FAM13A: variants seen among roughly 807,000 people sequenced by gnomAD.
The protein encoded by FAM13A is protein FAM13A.
A neutral mutation model predicts 129.6 loss-of-function variants in FAM13A; 76 were observed. That is an observed-to-expected ratio of 0.59 (90% confidence interval 0.49 to 0.71). The LOEUF (loss-of-function observed/expected upper bound fraction) is 0.71. Among genes scored for constraint, FAM13A ranks in the 30% least tolerant of loss-of-function variants. FAM13A has a pLI of 0.00. For missense variants in FAM13A, 1,108 were observed against 1,249.3 expected (o/e 0.89, Z 1.70); for synonymous variants, 443 against 449.9 (o/e 0.98, Z 0.20).
intron 13 of FAM13A, among the ~76,000 whole-genome samples, chr4:88,766,915 T>C (rs1234161818): frequency 6.6e-6 from 1 of 152,194 alleles, no homozygotes; most frequent in East Asian, 1.9e-4. Flanking sequence ...GCAGATTGCA[T>C]ACACATACAT....
chr4:88,978,621 C>T (rs1305758502), intron 4 of FAM13A, among the ~76,000 whole-genome samples: 3 of 152,120 alleles, frequency 2.0e-5, no homozygotes, highest in Non-Finnish European at 2.9e-5. Context: ...GGTGAAACCC[C>T]GTCTTTACTA....
At chr4:88,956,973 A>G (rs1186792838) in intron 4 of FAM13A, among the ~76,000 whole-genome samples, 2 of 152,194 alleles carry the variant, frequency 1.3e-5, no homozygotes, top group Non-Finnish European at 2.9e-5. Flanking sequence ...GAATGGCTTG[A>G]GCTATCCCCA....
intron 7 of FAM13A, among the ~76,000 whole-genome samples, chr4:88,836,084 C>T (rs1734757526): frequency 6.6e-6 from 1 of 152,072 alleles, no homozygotes; most frequent in South Asian, 2.1e-4. Context: ...TAAAGTTAAA[C>T]ACAATCCCAT....
At chr4:89,041,233 A>C (rs1264996090) in intron 1 of FAM13A, among the ~76,000 whole-genome samples, 1 of 152,232 alleles carries the variant, frequency 6.6e-6, no homozygotes, top group Non-Finnish European at 1.5e-5. Flanking sequence ...AGAAGAAAGG[A>C]CTTGAAATGT....
intron 4 of FAM13A, among the ~76,000 whole-genome samples, chr4:88,989,198 A>C (rs1762633791): frequency 8.2e-6 from 1 of 122,038 alleles, no homozygotes; most frequent in African/African-American, 3.3e-5. Flanking sequence ...ACAGAGCCAG[A>C]CTCTGTCTCA....
At position 88,758,859 on chromosome 4, in the gene FAM13A, T is replaced by C. The variant is rs764072187; in HGVS notation, c.1621A>G (p.Thr541Ala). ...GCATCTTGATTTCTCTGCTGTTTGG[T>C]GTCAGATAGGCTGGGATGCTCCTGG... ...KIQEHPSLSD[T>A]KQQRNQDAGD... Residue 541 changes from threonine to alanine, a missense_variant, in exon 14 of 24, where the codon ACC becomes GCC. Transcript: ENST00000264344. 1.2e-6 allele frequency: 2 copies of C among 1,613,926 alleles called. No individual in the cohort carries two copies. The highest frequency in any genetic ancestry group is 1.3e-5 in the African/African-American group (1 of 74,916).
At chr4:88,871,317 C>A (rs754233421) in intron 6 of FAM13A, among the ~76,000 whole-genome samples, 3 of 152,174 alleles carry the variant, frequency 2.0e-5, no homozygotes, top group Non-Finnish European at 4.4e-5. Flanking sequence ...CAGAAGTAGG[C>A]TTCAGAAGGT....
rs1350803481 is a variant in FAM13A at position 88,838,637 on chromosome 4, G to C, written c.1007+12383C>G. On this transcript the variant is annotated intron_variant, in intron 7 of 23. Coordinates refer to ENST00000264344, the MANE Select transcript of FAM13A (RefSeq NM_014883.4). The stretch of plus-strand genomic sequence containing the variant: ...AGCTACTCGGGAGGCTGAGGCAGGA[G>C]AATGGCGTGAACCCGGGAGGCGGAG... Among the ~76,000 whole-genome samples, 5 of 151,916 alleles carry C rather than the reference G, an allele frequency of 3.3e-5. No homozygotes were observed. The East Asian group carries it at 9.7e-4, about 29-fold the overall frequency.
intron 5 of FAM13A, among the ~76,000 whole-genome samples, chr4:88,912,957 G>T (rs192544338): frequency 6.6e-6 from 1 of 151,952 alleles, no homozygotes; most frequent in African/African-American, 2.4e-5. Flanking sequence ...CTCCAGCCAG[G>T]GTGACAGAGC....
intron 3 of FAM13A, among the ~76,000 whole-genome samples, chr4:89,019,171 G>A (rs1010808022): frequency 1.3e-5 from 2 of 152,058 alleles, no homozygotes; most frequent in African/African-American, 4.8e-5. Context: ...ATTTCAAAAT[G>A]GTCTTTCATG....
chr4:89,001,461 T>C (rs1051389414), intron 3 of FAM13A, among the ~76,000 whole-genome samples: 2 of 152,102 alleles, frequency 1.3e-5, no homozygotes, highest in Admixed American at 6.6e-5. Flanking sequence ...ACACTGAAAA[T>C]GGAAAGGTTA....
chr4:88,946,509 C>A (rs1755908155), intron 4 of FAM13A, among the ~76,000 whole-genome samples: 1 of 149,368 alleles, frequency 6.7e-6, no homozygotes, highest in Non-Finnish European at 1.5e-5. Context: ...CCTGGGATGC[C>A]AGATGATAGA....
intron 5 of FAM13A, among the ~76,000 whole-genome samples, chr4:88,913,159 GGAGGAAGAAGAA>G (rs1749398310): frequency 7.0e-6 from 1 of 143,114 alleles, no homozygotes; most frequent in South Asian, 2.2e-4. Flanking sequence ...AAGAGGAGGA[GGAGGAAGAAGAA>G]GAGGAAGAAG....
chr4:88,802,111 A>G (rs1159161973), intron 8 of FAM13A, among the ~76,000 whole-genome samples: 1 of 152,198 alleles, frequency 6.6e-6, no homozygotes, highest in East Asian at 1.9e-4. Context: ...TTGGGATTGC[A>G]GCCTAGACTA....
chr4:88,728,272 TGC>T lies in FAM13A; in HGVS notation c.*259_*260del. ...AAAGCTCCACTACTGTGTGTGTGTG[TGC>T]GTGCATGCGCGTGCGCATGTGCACA... On this transcript the variant is annotated 3_prime_UTR_variant, in exon 24 of 24. Coordinates refer to ENST00000264344, the MANE Select transcript of FAM13A (RefSeq NM_014883.4). The T allele has an allele frequency of 5.9e-6, 3 of 505,090 alleles. No homozygotes were observed. Among genetic ancestry groups the T allele is most frequent in the South Asian group, 2.3e-5 (1 of 44,098 alleles). The allele number at this position is 505,090 out of a possible 1,614,324, so 31.3% of individuals were successfully genotyped here.
chr4:89,053,923 T>G lies in FAM13A; in HGVS notation c.27+3015A>C, dbSNP rs56976649. On this transcript the variant is annotated intron_variant, in intron 1 of 23. Transcript: ENST00000264344. ...GAGAAGCAGAAAATCTGACTCAGGA[T>G]TCACCTGAGAGAAACAGAATCATCC... Among the ~76,000 whole-genome samples the G allele has an allele frequency of 2.0e-3, 301 of 152,218 alleles. 2 individuals are homozygous for G. The highest frequency in any genetic ancestry group is 6.9e-3 in the African/African-American group (287 of 41,522).
chr4:88,929,188 T>C (rs531226066), intron 5 of FAM13A, among the ~76,000 whole-genome samples: 1 of 152,054 alleles, frequency 6.6e-6, no homozygotes, highest in South Asian at 2.1e-4. Flanking sequence ...TAGTTTTTTT[T>C]TTCTTTCAGC....
At chr4:88,965,675 T>A (rs1391063578) in intron 4 of FAM13A, among the ~76,000 whole-genome samples, 1 of 152,172 alleles carries the variant, frequency 6.6e-6, no homozygotes, top group African/African-American at 2.4e-5. Context: ...TCCAGAACAT[T>A]TTCATCTTGC....
In FAM13A at chr4:88,728,467, T is replaced by C; in HGVS notation, c.*66A>G. The C allele has an allele frequency of 6.2e-7, 1 of 1,601,628 alleles. No homozygotes were observed. The highest frequency in any genetic ancestry group is 8.5e-7 in the Non-Finnish European group (1 of 1,171,132). ...CAGCCCCAAGGCTGCCTTCCAGAGC[T>C]GCACTTTCTCTGGGGACAGTAAACT... On this transcript the variant is annotated 3_prime_UTR_variant, in exon 24 of 24. Transcript: ENST00000264344.
Sources: gnomAD v4.1 joint callset for allele counts (sites outside exome capture counted in the v4.1 genomes callset) on GRCh38, gnomAD v4.1.1 for gene constraint, MANE v1.5 for transcripts, NCBI Gene and HGNC (gene_info 2026-07-23, HGNC 2026-07-21) for gene names.